Variants in GRID2 observed in about 807,000 individuals in gnomAD.
GRID2 encodes the protein glutamate receptor ionotropic, delta-2.
In GRID2, 33 loss-of-function variants were observed where a neutral mutation model predicts 114.8. The ratio of observed to expected loss-of-function variants is 0.29; its 90% confidence interval spans 0.22 to 0.38. GRID2 has a LOEUF of 0.38. Ranked by LOEUF, GRID2 falls within the 10% of genes least tolerant of loss-of-function variation. The pLI, the probability that GRID2 is intolerant of heterozygous loss-of-function variation, is 1.00. For missense variants in GRID2, 1,184 were observed against 1,257.7 expected (o/e 0.94, Z 0.89); for synonymous variants, 505 against 449.9 (o/e 1.12, Z -1.55).
intron 8 of GRID2, among the ~76,000 whole-genome samples, chr4:93,256,427 GGTT>G (rs1749595509): frequency 6.1e-5 from 1 of 16,462 alleles, no homozygotes. Context: ...TTTAATTTTT[GGTT>G]TTTTTTTTTG....
intron 14 of GRID2, among the ~76,000 whole-genome samples, chr4:93,767,220 T>C (rs1197049898): frequency 6.6e-6 from 1 of 152,182 alleles, no homozygotes; most frequent in Admixed American, 6.5e-5. Context: ...TGAGAGTCTT[T>C]AATAGGCTGA....
chr4:93,698,409 A>G (rs993348093), intron 14 of GRID2, among the ~76,000 whole-genome samples: 1 of 152,024 alleles, frequency 6.6e-6, no homozygotes, highest in African/African-American at 2.4e-5. Context: ...AACAGAAGAG[A>G]CTCTGATATA....
At chr4:92,495,904 A>G (rs907860426) in intron 1 of GRID2, among the ~76,000 whole-genome samples, 4 of 151,870 alleles carry the variant, frequency 2.6e-5, no homozygotes, top group African/African-American at 9.7e-5. Context: ...ACTCCATGAC[A>G]TTGGCAACTA....
At chr4:92,733,364 G>C (rs1450982972) in intron 2 of GRID2, among the ~76,000 whole-genome samples, 1 of 152,056 alleles carries the variant, frequency 6.6e-6, no homozygotes, top group Non-Finnish European at 1.5e-5. Flanking sequence ...GTCTAGAAGA[G>C]TCTCACAGAC....
intron 2 of GRID2, among the ~76,000 whole-genome samples, chr4:92,687,791 T>C (rs1407102365): frequency 6.6e-6 from 1 of 151,896 alleles, no homozygotes; most frequent in African/African-American, 2.4e-5. Context: ...ATTGCACCAC[T>C]GCACTCCAGC....
At chr4:93,405,024 AAAT>A (rs1171191039) in intron 9 of GRID2, among the ~76,000 whole-genome samples, 1 of 152,132 alleles carries the variant, frequency 6.6e-6, no homozygotes, top group Non-Finnish European at 1.5e-5. Context: ...TGTATGATGT[AAAT>A]AATATTCACC....
intron 8 of GRID2, among the ~76,000 whole-genome samples, chr4:93,314,362 TC>T (rs1235437584): frequency 6.7e-6 from 1 of 149,518 alleles, no homozygotes; most frequent in Non-Finnish European, 1.5e-5. Context: ...AACACATTCT[TC>T]CAATGTCCTA....
chr4:93,082,335 T>C (rs1729944618), intron 2 of GRID2, among the ~76,000 whole-genome samples: 1 of 152,176 alleles, frequency 6.6e-6, no homozygotes, highest in East Asian at 1.9e-4. Flanking sequence ...CAAGACTCCA[T>C]TGTTTGCTTG....
Position 93,772,064 on chromosome 4 carries a change from C to A in GRID2, c.2602-12C>A. On this transcript the variant is annotated splice_polypyrimidine_tract_variant and intron_variant, in intron 15 of 15. Coordinates refer to ENST00000282020, the MANE Select transcript of GRID2 (RefSeq NM_001510.4). ...CTGATGAGAACCTTATTTTCTTTTT[C>A]TTCATCTCCAGGATGACAAGGAAAT... The A allele has an allele frequency of 6.4e-7, 1 of 1,553,104 alleles. No homozygotes were observed. Among genetic ancestry groups the A allele is most frequent in the Non-Finnish European group, 8.8e-7 (1 of 1,132,642 alleles).
At chr4:93,122,688 C>A (rs550074015) in intron 4 of GRID2, among the ~76,000 whole-genome samples, 1 of 151,656 alleles carries the variant, frequency 6.6e-6, no homozygotes, top group Non-Finnish European at 1.5e-5. Flanking sequence ...TTTACAATTG[C>A]ATGGAATTGT....
chr4:93,067,982 A>G (rs541297065), intron 2 of GRID2, among the ~76,000 whole-genome samples: 137 of 152,172 alleles, frequency 9.0e-4, no homozygotes, highest in Non-Finnish European at 1.3e-3. Context: ...AGAATCTTCA[A>G]TGCAACTGTA....
intron 1 of GRID2, among the ~76,000 whole-genome samples, chr4:92,441,479 G>A (rs1170354240): frequency 6.6e-6 from 1 of 152,102 alleles, no homozygotes; most frequent in Admixed American, 6.6e-5. Context: ...GGATAGTAGA[G>A]GCAGGTATTG....
At chr4:93,217,055 A>G (rs1744308027) in intron 6 of GRID2, 144 bp downstream of exon 6, 1 of 536,946 alleles carries the variant, frequency 1.9e-6, no homozygotes, top group Admixed American at 3.1e-5. Context: ...TCTAATGGGG[A>G]GAAAGTGCTA....
chr4:92,534,606 C>T (rs1442038460), intron 1 of GRID2, among the ~76,000 whole-genome samples: 1 of 152,106 alleles, frequency 6.6e-6, no homozygotes, highest in East Asian at 1.9e-4. Flanking sequence ...TCTCTAATAA[C>T]ATGAGCTAAC....
chr4:92,443,863 G>C (rs1430753478), intron 1 of GRID2, among the ~76,000 whole-genome samples: 1 of 152,194 alleles, frequency 6.6e-6, no homozygotes, highest in East Asian at 1.9e-4. Context: ...TAAACACCAA[G>C]GGAAGGCTGC....
At chr4:93,310,716 A>C (rs1755922722) in intron 8 of GRID2, among the ~76,000 whole-genome samples, 2 of 152,280 alleles carry the variant, frequency 1.3e-5, no homozygotes, top group South Asian at 2.1e-4. Flanking sequence ...ACTACTGGAA[A>C]GAGTTTTATT....
intron 8 of GRID2, among the ~76,000 whole-genome samples, chr4:93,255,721 C>T (rs1243959632): frequency 6.6e-6 from 1 of 152,002 alleles, no homozygotes; most frequent in Non-Finnish European, 1.5e-5. Flanking sequence ...TGAACTTCTG[C>T]CATGTTGTGA....
intron 10 of GRID2, among the ~76,000 whole-genome samples, chr4:93,445,949 T>C (rs987558718): frequency 6.6e-6 from 1 of 151,932 alleles, no homozygotes; most frequent in Non-Finnish European, 1.5e-5. Context: ...CTAAATTAAG[T>C]AAGGGTACCC....
chr4:93,446,831 C>A (rs1722139012), intron 10 of GRID2, among the ~76,000 whole-genome samples: 1 of 151,676 alleles, frequency 6.6e-6, no homozygotes, highest in Non-Finnish European at 1.5e-5. Context: ...ATAGAGAAGA[C>A]TGAAAGGATA....
Sources: gnomAD v4.1 joint callset for allele counts (sites outside exome capture counted in the v4.1 genomes callset) on GRCh38, gnomAD v4.1.1 for gene constraint, MANE v1.5 for transcripts, NCBI Gene and HGNC (gene_info 2026-07-23, HGNC 2026-07-21) for gene names.